The following DACH1 variants were observed in gnomAD, a reference collection of about 807,000 sequenced individuals.
The protein encoded by DACH1 is dachshund family transcription factor 1, also known as dachshund homolog 1.
Under a neutral mutation model 54.2 loss-of-function variants are expected in DACH1, and 12 were observed. The ratio of observed to expected loss-of-function variants is 0.22; its 90% CI spans 0.14 to 0.36. The LOEUF is 0.36. Among genes scored for constraint, DACH1 ranks in the 10% least tolerant of loss-of-function variants. The pLI, the probability that DACH1 is intolerant of heterozygous loss-of-function variation, is 1.00. For missense variants in DACH1, 805 were observed against 929.8 expected (o/e 0.87, Z 1.75); for synonymous variants, 386 against 366.2 (o/e 1.05, Z -0.62).
At chr13:71,592,795 T>C (rs908027668) in intron 3 of DACH1, among the ~76,000 whole-genome samples, 74 of 152,258 alleles carry the variant, frequency 4.9e-4, no homozygotes, top group African/African-American at 1.8e-3. Context: ...CTTCCTCCAA[T>C]AGTTTCCTTA....
chr13:71,506,137 C>CT lies in DACH1; in HGVS notation c.1571-16990dup, dbSNP rs564522576. Among the ~76,000 whole-genome samples the CT allele has an allele frequency of 2.3e-3, 333 of 145,006 alleles. 4 individuals are homozygous for CT. The East Asian group carries it at 0.033, about 14-fold the overall frequency. On this transcript the variant is annotated intron_variant, in intron 6 of 10. Transcript: ENST00000613252. ...AAACTCACATAAAGCTCTTAAGATTCTTTTTTTTTTTATTATACTTTAAGT... is the reference window on the plus strand; with the variant it reads ...AAACTCACATAAAGCTCTTAAGATTCTTTTTTTTTTTTATTATACTTTAAGT...
intron 3 of DACH1, among the ~76,000 whole-genome samples, chr13:71,608,302 C>T (rs1328876695): frequency 1.1e-4 from 16 of 151,828 alleles, no homozygotes; most frequent in Admixed American, 6.6e-5. Flanking sequence ...CATTAAAATT[C>T]GTTTCTTCTA....
intron 1 of DACH1, chr13:71,704,651 C>T (rs1445056839): frequency 2.8e-6 from 1 of 354,550 alleles, no homozygotes; most frequent in East Asian, 7.7e-5. Context: ...GGATTCATGG[C>T]TTAAAAGGTA....
intron 1 of DACH1, among the ~76,000 whole-genome samples, chr13:71,759,158 T>G (rs1885294240): frequency 6.6e-6 from 1 of 152,100 alleles, no homozygotes; most frequent in Non-Finnish European, 1.5e-5. Flanking sequence ...TTCACCAGTT[T>G]TAAGCTGCAC....
At chr13:71,783,868 G>A (rs1886481557) in intron 1 of DACH1, among the ~76,000 whole-genome samples, 1 of 147,856 alleles carries the variant, frequency 6.8e-6, no homozygotes, top group Non-Finnish European at 1.5e-5. Context: ...TTTTTAAGAG[G>A]TATAAAAATA....
intron 2 of DACH1, among the ~76,000 whole-genome samples, chr13:71,664,700 T>A (rs192506537): frequency 1.3e-5 from 2 of 152,154 alleles, no homozygotes; most frequent in African/African-American, 2.4e-5. Context: ...AAGAACTCAG[T>A]GTTAATAAAC....
chr13:71,863,388 T>A (rs761145353), intron 1 of DACH1, among the ~76,000 whole-genome samples: 4 of 152,164 alleles, frequency 2.6e-5, no homozygotes, highest in African/African-American at 9.7e-5. Context: ...TTTTAGTTGA[T>A]ATATGATCAA....
chr13:71,529,189 T>TTTTTGTTTG (rs1566318729), intron 6 of DACH1, among the ~76,000 whole-genome samples: 1 of 146,612 alleles, frequency 6.8e-6, no homozygotes, highest in African/African-American at 2.6e-5. Context: ...TTGGGTTTTT[T>TTTTTGTTTG]TTTTTTTTTT....
chr13:71,733,352 G>A lies in DACH1; in HGVS notation c.849-51442C>T, dbSNP rs547465580. Among the ~76,000 whole-genome samples the A allele has an allele frequency of 7.2e-5, 11 of 152,056 alleles. No homozygotes were observed. The South Asian group carries it at 2.1e-3, about 29-fold the overall frequency. On this transcript the variant is annotated intron_variant, in intron 1 of 10. Coordinates refer to ENST00000613252, the MANE Select transcript of DACH1 (RefSeq NM_080759.6). ...AAGTTTTTTGTTTGCTTGTTTGTTT[G>A]TTTGTGTTTTGTAGAGATAAGGTCT...
At chr13:71,804,717 T>C (rs1887424979) in intron 1 of DACH1, among the ~76,000 whole-genome samples, 2 of 152,294 alleles carry the variant, frequency 1.3e-5, no homozygotes, top group Admixed American at 6.5e-5. Flanking sequence ...AAAGTTTGTC[T>C]ACATTTCTGT....
intron 6 of DACH1, among the ~76,000 whole-genome samples, chr13:71,494,838 C>G (rs990111642): frequency 1.3e-5 from 2 of 152,026 alleles, no homozygotes; most frequent in Admixed American, 6.5e-5. Context: ...AATTAAGTCA[C>G]TTATCAATAA....
At chr13:71,818,457 G>A (rs1888051826) in intron 1 of DACH1, among the ~76,000 whole-genome samples, 1 of 152,140 alleles carries the variant, frequency 6.6e-6, no homozygotes, top group Non-Finnish European at 1.5e-5. Flanking sequence ...TAAAGGACAG[G>A]CCATGCAAGC....
intron 3 of DACH1, among the ~76,000 whole-genome samples, chr13:71,612,835 T>A (rs1875436548): frequency 6.6e-6 from 1 of 152,182 alleles, no homozygotes; most frequent in South Asian, 2.1e-4. Context: ...ATTCCATGAA[T>A]AAGACAGCCT....
chr13:71,507,856 C>T (rs1038389315), intron 6 of DACH1, among the ~76,000 whole-genome samples: 3 of 152,120 alleles, frequency 2.0e-5, no homozygotes, highest in Non-Finnish European at 4.4e-5. Context: ...TAGGCTTAGT[C>T]CTGCCAATGT....
chr13:71,776,980 C>T (rs1304440427), intron 1 of DACH1, among the ~76,000 whole-genome samples: 1 of 152,124 alleles, frequency 6.6e-6, no homozygotes, highest in Non-Finnish European at 1.5e-5. Context: ...ATCTGATAAG[C>T]ATCCTCAAAG....
intron 6 of DACH1, among the ~76,000 whole-genome samples, chr13:71,527,251 A>G (rs1882043489): frequency 6.6e-6 from 1 of 151,992 alleles, no homozygotes; most frequent in Non-Finnish European, 1.5e-5. Context: ...ACTAATTTAT[A>G]AAAAGAGGTT....
intron 1 of DACH1, among the ~76,000 whole-genome samples, chr13:71,764,616 GT>G (rs1277578653): frequency 3.0e-4 from 45 of 152,136 alleles, no homozygotes; most frequent in Non-Finnish European, 6.0e-4. Context: ...GTTCACTAGG[GT>G]ATAAGTCTCG....
chr13:71,664,199 A>T lies in DACH1; in HGVS notation c.964+17596T>A, dbSNP rs146311635. On this transcript the variant is annotated intron_variant, in intron 2 of 10. Coordinates refer to ENST00000613252, the MANE Select transcript of DACH1 (RefSeq NM_080759.6). ...ATCAGTCCAGAAAATTTCATTTAAC[A>T]CTAAATTCACTTTAAGACAACTGTC... 1.1e-4 allele frequency among the ~76,000 whole-genome samples: 17 copies of T among 152,128 alleles called. No homozygotes were observed. The East Asian group carries it at 3.3e-3, about 29-fold the overall frequency.
chr13:71,655,372 AT>A (rs1188983203), intron 2 of DACH1, among the ~76,000 whole-genome samples: 11,799 of 137,722 alleles, frequency 0.086, 1,349 homozygotes, highest in African/African-American at 0.27. Context: ...TTTTTTTTTA[AT>A]TTTTTTTTTT....
Sources: gnomAD v4.1 joint callset for allele counts (sites outside exome capture counted in the v4.1 genomes callset) on GRCh38, gnomAD v4.1.1 for gene constraint, MANE v1.5 for transcripts, NCBI Gene and HGNC (gene_info 2026-07-23, HGNC 2026-07-21) for gene names.